The following C1QTNF3 variants were observed in gnomAD, a reference collection of about 807,000 sequenced individuals.
C1QTNF3 encodes the protein C1q and TNF related 3, also known as complement C1q tumor necrosis factor-related protein 3.
In C1QTNF3, 26 loss-of-function variants were observed where a neutral mutation model predicts 32.6. The ratio of observed to expected loss-of-function variants is 0.80; its 90% confidence interval spans 0.58 to 1.11. The LOEUF (loss-of-function observed/expected upper bound fraction) is 1.11, where lower values mean the gene tolerates loss of function less well. Among genes scored for constraint, C1QTNF3 ranks in the 50% least tolerant of loss-of-function variants. The pLI is 0.00. For synonymous variants in C1QTNF3, 155 were observed against 146.0 expected (o/e 1.06, Z -0.44); for missense variants, 362 against 398.2 (o/e 0.91, Z 0.77).
the C1QTNF3 span, among the ~76,000 whole-genome samples, chr5:34,123,904 GTTC>G: frequency 2.0e-5 from 3 of 152,260 alleles, no homozygotes; most frequent in East Asian, 5.8e-4. Context: ...AAAATTAAGT[GTTC>G]TTAATTTTGT....
chr5:34,088,892 A>C, the C1QTNF3 span, among the ~76,000 whole-genome samples: 2 of 152,080 alleles, frequency 1.3e-5, no homozygotes, highest in Non-Finnish European at 2.9e-5. Flanking sequence ...GAATTGTCTC[A>C]GAGTTATACG....
At chr5:34,227,608 G>A in the C1QTNF3 span, among the ~76,000 whole-genome samples, 4 of 151,842 alleles carry the variant, frequency 2.6e-5, no homozygotes, top group South Asian at 2.1e-4. Context: ...GAGCGGACCC[G>A]CACAGTTCAA....
chr5:34,200,667 A>T, the C1QTNF3 span: 8 of 152,180 alleles, frequency 5.3e-5, no homozygotes, highest in South Asian at 2.1e-4. Flanking sequence ...TAATAAAATT[A>T]AAAAACTTGA....
the C1QTNF3 span, among the ~76,000 whole-genome samples, chr5:34,073,153 C>G: frequency 6.6e-5 from 10 of 152,012 alleles, no homozygotes; most frequent in Non-Finnish European, 1.5e-4. Context: ...CGGTGAAACC[C>G]TGTCTCTACT....
chr5:34,124,642 A>G, the C1QTNF3 span: 2 of 473,802 alleles, frequency 4.2e-6, no homozygotes, highest in East Asian at 3.4e-5. Context: ...ATCACACTCC[A>G]CCTCCAACAT....
chr5:34,023,915 A>C lies in C1QTNF3; in HGVS notation c.794T>G (p.Met265Arg). ...GACAGAAAAGACCACCCACCTGTAC[A>C]TGCTGAAGACTGTGTTGCCATTGTG... ...LMHNGNTVFS[M>R]YSYEMKGKSD... The change falls in exon 5 of 6, where the codon ATG (methionine) becomes AGG (arginine). Residue 265 changes from methionine (M) to arginine (R), a missense_variant. By Grantham distance (91) the Met-to-Arg change is moderately conservative. Transcript: ENST00000382065. 1 of 1,613,812 alleles carries C rather than the reference A, an allele frequency of 6.2e-7. No homozygotes were observed. Among genetic ancestry groups the C allele is most frequent in the Non-Finnish European group, 8.5e-7 (1 of 1,179,700 alleles).
At chr5:34,108,072 G>GC in the C1QTNF3 span, among the ~76,000 whole-genome samples, 6 of 152,090 alleles carry the variant, frequency 3.9e-5, no homozygotes, top group Admixed American at 6.6e-5. Flanking sequence ...AGTTTTATGA[G>GC]CCCCCCCTCT....
chr5:34,059,503 A>C, the C1QTNF3 span, among the ~76,000 whole-genome samples: 1 of 152,226 alleles, frequency 6.6e-6, no homozygotes, highest in Non-Finnish European at 1.5e-5. Context: ...TATCTGACGA[A>C]GGCCTGCTTC....
At chr5:34,128,089 G>A in the C1QTNF3 span, among the ~76,000 whole-genome samples, 1 of 152,198 alleles carries the variant, frequency 6.6e-6, no homozygotes, top group African/African-American at 2.4e-5. Context: ...TCGGTCCTCT[G>A]TGCAGCCTTG....
the C1QTNF3 span, chr5:34,169,099 T>A: frequency 6.6e-6 from 1 of 152,198 alleles, no homozygotes; most frequent in Non-Finnish European, 1.5e-5. Context: ...AGTACTCTCT[T>A]AGACGCAGAC....
intron 4 of C1QTNF3, among the ~76,000 whole-genome samples, chr5:34,026,669 A>G (rs1754469180): frequency 6.6e-6 from 1 of 152,084 alleles, no homozygotes; most frequent in African/African-American, 2.4e-5. Flanking sequence ...GGAGCCTTTG[A>G]GTTATCCAGT....
the C1QTNF3 span, among the ~76,000 whole-genome samples, chr5:34,227,978 CTT>C: frequency 7.3e-5 from 10 of 137,564 alleles, no homozygotes; most frequent in African/African-American, 1.6e-4. Context: ...GGAGAAAATC[CTT>C]TTTTTTTTTT....
At chr5:34,175,760 G>C in the C1QTNF3 span, 1 of 651,964 alleles carries the variant, frequency 1.5e-6, no homozygotes, top group Non-Finnish European at 2.8e-6. Context: ...GTCCAGAATG[G>C]GCAAGGCAAC....
the C1QTNF3 span, among the ~76,000 whole-genome samples, chr5:34,231,387 G>A: frequency 6.6e-6 from 1 of 152,114 alleles, no homozygotes; most frequent in African/African-American, 2.4e-5. Context: ...ACATAAGACT[G>A]AACAAAACCA....
At chr5:34,085,086 G>C in the C1QTNF3 span, among the ~76,000 whole-genome samples, 4 of 144,796 alleles carry the variant, frequency 2.8e-5, no homozygotes, top group Admixed American at 2.0e-4. Context: ...CGCCTCCCGG[G>C]TTCACGCCAT....
chr5:34,170,354 G>A, the C1QTNF3 span, among the ~76,000 whole-genome samples: 2 of 152,126 alleles, frequency 1.3e-5, no homozygotes, highest in South Asian at 2.1e-4. Flanking sequence ...GAGAGGGGCT[G>A]TTCAATATAG....
At chr5:34,176,184 A>G in the C1QTNF3 span, among the ~76,000 whole-genome samples, 3 of 148,324 alleles carry the variant, frequency 2.0e-5, no homozygotes, top group African/African-American at 5.0e-5. Flanking sequence ...ATTCTCACTC[A>G]TAAGTGGGAA....
the C1QTNF3 span, among the ~76,000 whole-genome samples, chr5:34,102,830 T>C: frequency 6.6e-6 from 1 of 152,184 alleles, no homozygotes; most frequent in Non-Finnish European, 1.5e-5. Flanking sequence ...CCGGGGCCTG[T>C]TGTGGGGTGG....
the C1QTNF3 span, among the ~76,000 whole-genome samples, chr5:34,074,879 A>C: frequency 1.3e-5 from 2 of 151,804 alleles, no homozygotes; most frequent in South Asian, 4.1e-4. Flanking sequence ...AGCATAAATT[A>C]TACAAGAAAA....
Sources: allele counts gnomAD v4.1 joint callset (sites outside exome capture counted in the v4.1 genomes callset), GRCh38; gene constraint gnomAD v4.1.1; transcripts MANE v1.5; gene names NCBI Gene and HGNC (gene_info 2026-07-23, HGNC 2026-07-21).